RAB38: variants seen among roughly 807,000 people sequenced by gnomAD.
RAB38 encodes RAB38, member RAS oncogene family, also known as ras-related protein Rab-38.
A neutral mutation model predicts 18.4 loss-of-function variants in RAB38; 15 were observed. The ratio of observed to expected loss-of-function variants is 0.82; its 90% CI spans 0.55 to 1.26. RAB38 has a LOEUF of 1.26. Ranked by LOEUF, RAB38 falls within the 50% of genes most tolerant of loss-of-function variation. The pLI, the probability that RAB38 is intolerant of heterozygous loss-of-function variation, is 0.00. For missense variants in RAB38, 294 were observed against 267.4 expected (o/e 1.10, Z -0.69); for synonymous variants, 101 against 104.4 (o/e 0.97, Z 0.20).
chr11:87,831,654 G>C, the RAB38 span, among the ~76,000 whole-genome samples: 1 of 152,182 alleles, frequency 6.6e-6, no homozygotes, highest in Non-Finnish European at 1.5e-5. Context: ...ATAAGTCAGA[G>C]AGGACAGGGA....
chr11:87,950,523 C>T, the RAB38 span, among the ~76,000 whole-genome samples: 1 of 152,162 alleles, frequency 6.6e-6, no homozygotes, highest in Non-Finnish European at 1.5e-5. Context: ...GTGGCTGGTA[C>T]CAGTCGTTCC....
the RAB38 span, among the ~76,000 whole-genome samples, chr11:88,035,535 G>A: frequency 6.6e-6 from 1 of 152,170 alleles, no homozygotes; most frequent in Non-Finnish European, 1.5e-5. Flanking sequence ...GAGCAAGGAA[G>A]CCAGTCCGAG....
At chr11:88,051,390 G>A in the RAB38 span, among the ~76,000 whole-genome samples, 2 of 151,382 alleles carry the variant, frequency 1.3e-5, no homozygotes, top group South Asian at 4.3e-4. Context: ...ACAACTGAGT[G>A]GTGACATACA....
the RAB38 span, among the ~76,000 whole-genome samples, chr11:87,844,833 A>T: frequency 6.6e-6 from 1 of 152,178 alleles, no homozygotes; most frequent in Non-Finnish European, 1.5e-5. Context: ...CCAAACCAAC[A>T]TTGTACAGGC....
the RAB38 span, among the ~76,000 whole-genome samples, chr11:87,936,822 G>T: frequency 1.3e-5 from 2 of 151,992 alleles, no homozygotes; most frequent in Non-Finnish European, 2.9e-5. Flanking sequence ...TGTTTATTTT[G>T]TATTATGCAA....
chr11:87,869,392 C>T, the RAB38 span, among the ~76,000 whole-genome samples: 3 of 151,610 alleles, frequency 2.0e-5, no homozygotes, highest in African/African-American at 7.3e-5. Context: ...GTTTCTTGGT[C>T]AGTATTCCTT....
intron 1 of RAB38, among the ~76,000 whole-genome samples, chr11:88,163,820 T>C (rs1407690471): frequency 6.6e-6 from 1 of 152,152 alleles, no homozygotes; most frequent in Admixed American, 6.6e-5. Context: ...TGAGTACTAA[T>C]ACAGTAGCCC....
the RAB38 span, among the ~76,000 whole-genome samples, chr11:87,859,403 A>G: frequency 6.6e-6 from 1 of 152,210 alleles, no homozygotes; most frequent in Admixed American, 6.6e-5. Context: ...TATAGGATAT[A>G]TGAAGATAAT....
chr11:87,858,393 T>C, the RAB38 span, among the ~76,000 whole-genome samples: 1 of 152,224 alleles, frequency 6.6e-6, no homozygotes, highest in East Asian at 1.9e-4. Context: ...CAAGGAACTC[T>C]GGACTCATGC....
chr11:88,062,892 T>C, the RAB38 span, among the ~76,000 whole-genome samples: 4 of 152,234 alleles, frequency 2.6e-5, no homozygotes, highest in South Asian at 2.1e-4. Context: ...TTAAACTTTA[T>C]TTAAATTTAT....
At chr11:87,810,047 CA>C in the RAB38 span, among the ~76,000 whole-genome samples, 3 of 152,042 alleles carry the variant, frequency 2.0e-5, no homozygotes, top group Non-Finnish European at 4.4e-5. Flanking sequence ...CTAAGGGAAA[CA>C]TTTTTCCAAT....
At chr11:87,929,721 C>G in the RAB38 span, among the ~76,000 whole-genome samples, 2 of 131,574 alleles carry the variant, frequency 1.5e-5, no homozygotes, top group South Asian at 6.0e-4. Flanking sequence ...CCCCTCCCCC[C>G]ACCCCACAAC....
At chr11:88,112,237 A>C (rs1942482985), downstream of RAB38, among the ~76,000 whole-genome samples, 1 of 152,218 alleles carries the variant, frequency 6.6e-6, no homozygotes, top group African/African-American at 2.4e-5. Context: ...ATCCTGCAAC[A>C]CAGATCATCC....
chr11:88,151,888 G>A (rs1038606418), intron 1 of RAB38, among the ~76,000 whole-genome samples: 2 of 152,114 alleles, frequency 1.3e-5, no homozygotes, highest in African/African-American at 4.8e-5. Context: ...GAAAAAAAGA[G>A]TATTTTGTCA....
chr11:87,946,540 C>A, the RAB38 span, among the ~76,000 whole-genome samples: 2 of 152,074 alleles, frequency 1.3e-5, no homozygotes, highest in African/African-American at 4.8e-5. Context: ...TCCCTCCCCC[C>A]TCGCCCCACC....
chr11:88,131,392 C>T (rs895484097), intron 2 of RAB38, among the ~76,000 whole-genome samples: 6 of 152,080 alleles, frequency 3.9e-5, no homozygotes, highest in South Asian at 2.1e-4. Context: ...AAATTTTACC[C>T]TGGCTATCAA....
the RAB38 span, among the ~76,000 whole-genome samples, chr11:88,074,417 TTTTAAAA>T: frequency 6.6e-6 from 1 of 152,010 alleles, no homozygotes; most frequent in South Asian, 2.1e-4. Flanking sequence ...AGTTACAGAG[TTTTAAAA>T]TTATTTCTTT....
At chr11:88,113,143 C>T (rs59500510), downstream of RAB38, 12,125 of 151,670 alleles carry the variant, frequency 0.08, 677 homozygotes, top group Admixed American at 0.18. Flanking sequence ...TTCTCATCTC[C>T]TCCTTGAAAT....
the RAB38 span, among the ~76,000 whole-genome samples, chr11:87,840,158 A>C: frequency 6.6e-6 from 1 of 152,226 alleles, no homozygotes; most frequent in African/African-American, 2.4e-5. Context: ...GAGAGGGAAG[A>C]GAAGTGATAA....
Sources: allele counts gnomAD v4.1 joint callset (sites outside exome capture counted in the v4.1 genomes callset), GRCh38; gene constraint gnomAD v4.1.1; transcripts MANE v1.5; gene names NCBI Gene and HGNC (gene_info 2026-07-23, HGNC 2026-07-21).